PSD3: variants seen among roughly 807,000 people sequenced by gnomAD.
PSD3 encodes the protein pleckstrin and Sec7 domain containing 3.
PSD3 carries 49 observed loss-of-function variants against 105.5 expected under a neutral mutation model. The ratio of observed to expected loss-of-function variants is 0.46; its 90% confidence interval spans 0.37 to 0.59. PSD3 has a LOEUF of 0.59. PSD3 is among the 20% of genes least tolerant of loss of function. The pLI is 0.00. For missense variants in PSD3, 1,561 were observed against 1,263.8 expected (o/e 1.24, Z -3.57); for synonymous variants, 557 against 457.8 (o/e 1.22, Z -2.77).
chr8:18,710,708 G>GTC (rs983698336), intron 9 of PSD3, among the ~76,000 whole-genome samples: 5 of 151,900 alleles, frequency 3.3e-5, no homozygotes, highest in Admixed American at 1.3e-4. Context: ...TTGAGATGGA[G>GTC]TCTCTCTCTG....
chr8:18,727,098 G>C (rs1424791418), intron 9 of PSD3, among the ~76,000 whole-genome samples: 2 of 152,118 alleles, frequency 1.3e-5, no homozygotes, highest in African/African-American at 4.8e-5. Context: ...AGAACTTTGG[G>C]AGGCCGAAGT....
intron 1 of PSD3, among the ~76,000 whole-genome samples, chr8:19,031,757 A>C (rs1162625400): frequency 6.6e-6 from 1 of 152,166 alleles, no homozygotes; most frequent in Admixed American, 6.5e-5. Context: ...ATGTATGTTA[A>C]CTAAATAGGG....
chr8:18,710,564 G>GA (rs923086864), intron 9 of PSD3, among the ~76,000 whole-genome samples: 2 of 151,904 alleles, frequency 1.3e-5, no homozygotes, highest in African/African-American at 4.8e-5. Flanking sequence ...TGAAATAAAA[G>GA]AAAAAATCTT....
intron 9 of PSD3, among the ~76,000 whole-genome samples, chr8:18,752,609 ATACATAT>A: frequency 1.6e-5 from 1 of 61,124 alleles, no homozygotes; most frequent in East Asian, 4.0e-4. Context: ...ATTATATATA[ATACATAT>A]AATATATATT....
chr8:18,786,855 G>A (rs1479115575), intron 8 of PSD3: 4 of 152,186 alleles, frequency 2.6e-5, no homozygotes, highest in Admixed American at 2.6e-4. Context: ...AGAATTATTA[G>A]GAACAAAAGG....
intron 11 of PSD3, among the ~76,000 whole-genome samples, chr8:18,614,405 C>T (rs980778448): frequency 1.6e-5 from 2 of 127,176 alleles, no homozygotes; most frequent in Non-Finnish European, 3.4e-5. Context: ...ACAAATATTA[C>T]CGGGAATTTT....
intron 9 of PSD3, among the ~76,000 whole-genome samples, chr8:18,678,692 T>A (rs1800205561): frequency 6.7e-4 from 2 of 2,968 alleles, no homozygotes; most frequent in South Asian, 0.5. Flanking sequence ...ATGCCTGTAA[T>A]CCCAGCTAAC....
upstream of PSD3, among the ~76,000 whole-genome samples, chr8:19,013,840 G>A (rs1020701680): frequency 8.0e-5 from 12 of 150,030 alleles, no homozygotes; most frequent in African/African-American, 2.9e-4. Context: ...CGGGGGCGGA[G>A]GGCGGAGGGC....
upstream of PSD3, among the ~76,000 whole-genome samples, chr8:19,015,195 A>T (rs980302194): frequency 4.6e-5 from 7 of 152,114 alleles, no homozygotes; most frequent in Admixed American, 6.5e-5. Context: ...TGAAGATTTT[A>T]AAAATGGGAG....
At chr8:18,791,468 A>G (rs186920916) in intron 8 of PSD3, among the ~76,000 whole-genome samples, 8 of 152,352 alleles carry the variant, frequency 5.3e-5, no homozygotes, top group Admixed American at 2.0e-4. Flanking sequence ...GACAAAAACA[A>G]GCAATGGGGA....
intron 4 of PSD3, among the ~76,000 whole-genome samples, chr8:18,823,208 G>C (rs1812889391): frequency 6.6e-6 from 1 of 151,968 alleles, no homozygotes; most frequent in African/African-American, 2.4e-5. Flanking sequence ...CCTTTCTTCG[G>C]AGTCTGCAGA....
At chr8:19,005,078 T>C (rs765808891) in intron 1 of PSD3, among the ~76,000 whole-genome samples, 3 of 152,008 alleles carry the variant, frequency 2.0e-5, no homozygotes, top group Non-Finnish European at 2.9e-5. Context: ...TCATTAGTCA[T>C]TAGAGAAACG....
At chr8:18,880,503 G>C (rs1818038303) in intron 2 of PSD3, among the ~76,000 whole-genome samples, 1 of 152,178 alleles carries the variant, frequency 6.6e-6, no homozygotes, top group South Asian at 2.1e-4. Context: ...GTACAGGTGA[G>C]AGACGGTGAG....
chr8:18,791,132 C>A (rs1352405609), intron 8 of PSD3, among the ~76,000 whole-genome samples: 1 of 152,098 alleles, frequency 6.6e-6, no homozygotes, highest in Non-Finnish European at 1.5e-5. Flanking sequence ...GAGTCAGTAT[C>A]ACGAAAATGG....
At chr8:18,627,151 G>C (rs944958074) in intron 11 of PSD3, among the ~76,000 whole-genome samples, 1 of 152,040 alleles carries the variant, frequency 6.6e-6, no homozygotes, top group African/African-American at 2.4e-5. Context: ...AAACAAATGA[G>C]TTAAGACTGG....
chr8:18,666,132 C>T (rs1799437152), intron 9 of PSD3, among the ~76,000 whole-genome samples: 1 of 152,208 alleles, frequency 6.6e-6, no homozygotes, highest in South Asian at 2.1e-4. Flanking sequence ...CTTACTGCAA[C>T]TTCTGCCTCC....
At chr8:18,805,777 G>A (rs1016507257) in intron 4 of PSD3, among the ~76,000 whole-genome samples, 2 of 152,130 alleles carry the variant, frequency 1.3e-5, no homozygotes, top group African/African-American at 2.4e-5. Flanking sequence ...TTGGGAAGCT[G>A]CCAAACCTTT....
intron 6 of PSD3, 90 bp from the exon 7 acceptor site, chr8:18,801,472 G>C: frequency 1.4e-6 from 1 of 696,438 alleles, no homozygotes; most frequent in Non-Finnish European, 2.5e-6. Context: ...ATAAACCTAA[G>C]ATATTAATTA....
chr8:18,838,662 G>A (rs13250274), intron 4 of PSD3, among the ~76,000 whole-genome samples: 3 of 151,424 alleles, frequency 2.0e-5, no homozygotes, highest in African/African-American at 7.3e-5. Context: ...TTAGCCGGGC[G>A]TGGTGGCGGG....
Sources: allele counts gnomAD v4.1 joint callset (sites outside exome capture counted in the v4.1 genomes callset), GRCh38; gene constraint gnomAD v4.1.1; transcripts MANE v1.5; gene names NCBI Gene and HGNC (gene_info 2026-07-23, HGNC 2026-07-21).